DCC: variants seen among roughly 807,000 people sequenced by gnomAD.
DCC encodes the protein DCC netrin 1 receptor.
DCC carries 58 observed loss-of-function variants against 172.5 expected under a neutral mutation model. That is an observed-to-expected ratio of 0.34 (90% CI 0.27 to 0.42). The LOEUF is 0.42. DCC is among the 10% of genes least tolerant of loss of function. The pLI, the probability that DCC is intolerant of heterozygous loss-of-function variation, is 1.00. For missense variants in DCC, 1,740 were observed against 1,791.0 expected (o/e 0.97, Z 0.51); for synonymous variants, 709 against 644.5 (o/e 1.10, Z -1.52).
At chr18:52,928,037 T>C (rs1395030300) in intron 5 of DCC, among the ~76,000 whole-genome samples, 1 of 152,054 alleles carries the variant, frequency 6.6e-6, no homozygotes, top group Non-Finnish European at 1.5e-5. Context: ...AGTGGTAGAC[T>C]GAATAAAGAA....
intron 25 of DCC, among the ~76,000 whole-genome samples, chr18:53,485,927 A>C (rs1195785952): frequency 1.3e-5 from 2 of 152,076 alleles, no homozygotes. Flanking sequence ...TAAATAAATA[A>C]AAATAAATTA....
intron 5 of DCC, among the ~76,000 whole-genome samples, chr18:52,947,204 T>G (rs1391395169): frequency 6.6e-6 from 1 of 152,164 alleles, no homozygotes; most frequent in Non-Finnish European, 1.5e-5. Flanking sequence ...AAAAACAGGG[T>G]TTAGGGCAAG....
At chr18:53,020,780 C>A (rs2041869159) in intron 5 of DCC, among the ~76,000 whole-genome samples, 1 of 152,138 alleles carries the variant, frequency 6.6e-6, no homozygotes, top group African/African-American at 2.4e-5. Context: ...CCCTGTCCCC[C>A]TTAGCTAGGG....
At position 52,906,267 on chromosome 18, in the gene DCC, C is replaced by T. The variant is rs2039880622; in HGVS notation, c.636C>T (p.Cys212=). The change falls in exon 3 of 29, where the codon TGC becomes TGT. Residue 212 remains cysteine, a synonymous_variant. Transcript: ENST00000442544. ...LQPGDIGIYR[C]SARNPASSRT... ...CGGGGGACATTGGAATTTACCGATG[C>T]TCAGCTCGAAATCCAGCCAGCTCAA... 2 of 1,613,944 alleles carry T rather than the reference C, an allele frequency of 1.2e-6. No individual in the cohort carries two copies. Among genetic ancestry groups the T allele is most frequent in the Admixed American group, 1.7e-5 (1 of 59,984 alleles).
chr18:52,500,644 C>G (rs534209922), intron 1 of DCC, among the ~76,000 whole-genome samples: 1 of 152,242 alleles, frequency 6.6e-6, no homozygotes, highest in African/African-American at 2.4e-5. Context: ...ATACAATTTT[C>G]TATTAAAAAT....
At chr18:53,259,209 C>T (rs969945271) in intron 12 of DCC, among the ~76,000 whole-genome samples, 1 of 152,132 alleles carries the variant, frequency 6.6e-6, no homozygotes, top group Non-Finnish European at 1.5e-5. Context: ...AGCCCATTTA[C>T]ATTTAAGGTT....
intron 12 of DCC, among the ~76,000 whole-genome samples, chr18:53,292,638 G>A (rs570505904): frequency 2.5e-4 from 38 of 152,142 alleles, no homozygotes; most frequent in Non-Finnish European, 5.3e-4. Flanking sequence ...GCAGTGAGCC[G>A]AGATCGTGCC....
chr18:53,282,045 T>G (rs1470546588), intron 12 of DCC, among the ~76,000 whole-genome samples: 1 of 138,606 alleles, frequency 7.2e-6, no homozygotes, highest in East Asian at 2.4e-4. Flanking sequence ...TACTGATAAC[T>G]TCCCAGGGAG....
At chr18:53,352,009 A>G (rs1446408835) in intron 15 of DCC, among the ~76,000 whole-genome samples, 1 of 152,056 alleles carries the variant, frequency 6.6e-6, no homozygotes, top group Non-Finnish European at 1.5e-5. Flanking sequence ...TGTAATAAAC[A>G]GTAAAGACTT....
chr18:53,025,936 G>GA (rs1411082960), intron 5 of DCC, among the ~76,000 whole-genome samples: 4 of 151,194 alleles, frequency 2.6e-5, no homozygotes, highest in South Asian at 4.2e-4. Context: ...TTTAATCTAA[G>GA]AAAAAATCTT....
intron 1 of DCC, among the ~76,000 whole-genome samples, chr18:52,733,938 G>T (rs2145098985): frequency 6.6e-6 from 1 of 152,186 alleles, no homozygotes; most frequent in South Asian, 2.1e-4. Flanking sequence ...TTCAGAAATA[G>T]AAATGTATAT....
intron 7 of DCC, among the ~76,000 whole-genome samples, chr18:53,107,267 A>G (rs1391280204): frequency 6.6e-6 from 1 of 151,858 alleles, no homozygotes; most frequent in Non-Finnish European, 1.5e-5. Flanking sequence ...AGAAGGAAAC[A>G]GTGAGACATG....
chr18:52,848,269 T>C (rs990255140), intron 2 of DCC, among the ~76,000 whole-genome samples: 13 of 151,932 alleles, frequency 8.6e-5, no homozygotes, highest in Non-Finnish European at 1.5e-4. Context: ...ATATATTTGG[T>C]AAAGATGGGG....
At chr18:52,902,288 T>G (rs2039821031) in intron 2 of DCC, among the ~76,000 whole-genome samples, 1 of 152,222 alleles carries the variant, frequency 6.6e-6, no homozygotes, top group Admixed American at 6.5e-5. Flanking sequence ...CAAGATTTCC[T>G]GAGTGAAGCA....
chr18:53,218,874 G>C (rs992299142), intron 12 of DCC, among the ~76,000 whole-genome samples: 2 of 151,974 alleles, frequency 1.3e-5, no homozygotes, highest in Non-Finnish European at 2.9e-5. Context: ...AACTTAATTA[G>C]TTGGCTGGAA....
intron 25 of DCC, among the ~76,000 whole-genome samples, chr18:53,473,136 A>T (rs897513967): frequency 6.6e-6 from 1 of 151,974 alleles, no homozygotes; most frequent in Non-Finnish European, 1.5e-5. Flanking sequence ...AGAAATAATG[A>T]CTCCCTTTTA....
intron 7 of DCC, among the ~76,000 whole-genome samples, chr18:53,099,998 G>A (rs1340135556): frequency 1.5e-5 from 2 of 137,338 alleles, no homozygotes; most frequent in Non-Finnish European, 3.0e-5. Flanking sequence ...ACAGGCTGGA[G>A]TGCAGTGGCA....
chr18:52,784,934 G>GA (rs1568101630), intron 2 of DCC, among the ~76,000 whole-genome samples: 16 of 141,556 alleles, frequency 1.1e-4, no homozygotes, highest in African/African-American at 4.0e-4. Context: ...AGAGAAGGGG[G>GA]GAGAGAGAGA....
At chr18:52,533,678 G>T (rs1334618427) in intron 1 of DCC, among the ~76,000 whole-genome samples, 1 of 152,104 alleles carries the variant, frequency 6.6e-6, no homozygotes, top group Admixed American at 6.6e-5. Context: ...TTTGGCTATT[G>T]TGAATAAAGC....
Sources: gnomAD v4.1 joint callset for allele counts (sites outside exome capture counted in the v4.1 genomes callset) on GRCh38, gnomAD v4.1.1 for gene constraint, MANE v1.5 for transcripts, NCBI Gene and HGNC (gene_info 2026-07-23, HGNC 2026-07-21) for gene names.